The following NCBP1 variants were observed in gnomAD, a reference collection of about 807,000 sequenced individuals.
NCBP1 encodes nuclear cap-binding protein subunit 1.
A neutral mutation model predicts 111.7 loss-of-function variants in NCBP1; 16 were observed. The ratio of observed to expected loss-of-function variants is 0.14; its 90% CI spans 0.10 to 0.22. The LOEUF (loss-of-function observed/expected upper bound fraction) is 0.22. NCBP1 is among the 10% of genes least tolerant of loss of function. The pLI, the probability that NCBP1 is intolerant of heterozygous loss-of-function variation, is 1.00. For synonymous variants in NCBP1, 304 were observed against 314.3 expected (o/e 0.97, Z 0.35); for missense variants, 607 against 957.5 (o/e 0.63, Z 4.83).
chr9:97,645,857 TCTC>T (rs1441208421), intron 6 of NCBP1, 125 bp downstream of exon 6: 16 of 1,184,700 alleles, frequency 1.4e-5, no homozygotes, highest in Admixed American at 4.6e-5. Flanking sequence ...GTAATCCTGT[TCTC>T]CTGCTGTTTT....
rs558938098 is a variant in NCBP1, at chr9:97,666,607, A to T, written c.1902-156A>T. ...ATACTTGCACAATTTACAATAAAAGACCAATTTGTAAGTATTGCTGGAGAA... is the reference window on the plus strand; with the variant it reads ...ATACTTGCACAATTTACAATAAAAGTCCAATTTGTAAGTATTGCTGGAGAA... On this transcript the variant is annotated intron_variant, in intron 19 of 22. Coordinates refer to ENST00000375147, the MANE Select transcript of NCBP1 (RefSeq NM_002486.5). 3.3e-5 allele frequency among the ~76,000 whole-genome samples: 5 copies of T among 152,322 alleles called. No homozygotes were observed. The East Asian group carries it at 9.7e-4, about 29-fold the overall frequency.
chr9:97,665,600 CT>C (rs1296680955), intron 19 of NCBP1, among the ~76,000 whole-genome samples: 2 of 152,196 alleles, frequency 1.3e-5, no homozygotes, highest in Non-Finnish European at 2.9e-5. Context: ...GTGCTCTGCT[CT>C]TTTGTCCTGT....
Position 97,653,844 on chromosome 9 carries a change from A to G in NCBP1, c.1106A>G (p.Asp369Gly). ...CAACTTCCAGCACCCCCTCACATTG[A>G]TGTGATGTACACAACACTCCTCATT... ...LFQLPAPPHIDVMYTTLLIEL... is the reference protein window; with the variant it reads ...LFQLPAPPHIGVMYTTLLIEL... Residue 369 changes from aspartate to glycine, a missense_variant, in exon 11 of 23, where the codon GAT becomes GGT. Asp to Gly is a moderately conservative substitution (Grantham distance 94, BLOSUM62 -1). This residue lies in a region of NCBP1 where 33 missense variants were observed against 46.5 expected (regional missense o/e 0.71). Transcript: ENST00000375147. 1 of 1,614,080 alleles carries G rather than the reference A, an allele frequency of 6.2e-7. No homozygotes were observed. The highest frequency in any genetic ancestry group is 8.5e-7 in the Non-Finnish European group (1 of 1,179,996).
chr9:97,635,044 T>A (rs541067975), intron 1 of NCBP1, among the ~76,000 whole-genome samples: 3 of 152,324 alleles, frequency 2.0e-5, no homozygotes, highest in South Asian at 4.1e-4. Flanking sequence ...AAAAAACCCA[T>A]AACAGACATT....
chr9:97,654,276 C>T (rs185679260), intron 11 of NCBP1, among the ~76,000 whole-genome samples: 9 of 152,320 alleles, frequency 5.9e-5, no homozygotes. Flanking sequence ...AACCCTGCCA[C>T]TGCTTTATTA....
intron 1 of NCBP1, among the ~76,000 whole-genome samples, chr9:97,636,633 AATACATAT>A (rs1466026793): frequency 3.3e-5 from 3 of 90,404 alleles, no homozygotes; most frequent in Non-Finnish European, 4.3e-5. Flanking sequence ...TATGGAAAGT[AATACATAT>A]ATATATATAT....
intron 4 of NCBP1, 95 bp downstream of exon 4, chr9:97,643,455 C>A: frequency 1.6e-6 from 2 of 1,277,304 alleles, no homozygotes; most frequent in Non-Finnish European, 2.1e-6. Context: ...TCTCCTAAAA[C>A]ATTCTCATTC....
At chr9:97,670,907 TC>T (rs2131373444) in intron 22 of NCBP1, among the ~76,000 whole-genome samples, 178 bp from the exon 23 acceptor site, 1 of 152,286 alleles carries the variant, frequency 6.6e-6, no homozygotes, top group African/African-American at 2.4e-5. Context: ...TTTTTTCATT[TC>T]CCTTTTTATT....
At chr9:97,669,075 C>T in intron 21 of NCBP1, 101 bp downstream of exon 21, 1 of 1,307,472 alleles carries the variant, frequency 7.6e-7, no homozygotes. Flanking sequence ...AATACACATT[C>T]ATTTATAGAA....
intron 1 of NCBP1, among the ~76,000 whole-genome samples, chr9:97,638,099 G>A (rs1321225188): frequency 2.0e-5 from 3 of 152,090 alleles, no homozygotes; most frequent in Non-Finnish European, 2.9e-5. Flanking sequence ...AATTGTATTC[G>A]TATTGTTTTA....
At chr9:97,658,505 T>A (rs1827737103) in intron 14 of NCBP1, 135 bp from the exon 15 acceptor site, 1 of 674,376 alleles carries the variant, frequency 1.5e-6, no homozygotes, top group Non-Finnish European at 2.6e-6. Flanking sequence ...CTCAAAGGAT[T>A]TTTTTTTCCC....
At chr9:97,646,785 C>T (rs1360901072) in intron 6 of NCBP1, among the ~76,000 whole-genome samples, 7 of 140,650 alleles carry the variant, frequency 5.0e-5, no homozygotes, top group African/African-American at 1.9e-4. Context: ...TGCAGTGAGC[C>T]GACATGGTGC....
chr9:97,656,191 C>T (rs1827647752), intron 14 of NCBP1, 106 bp downstream of exon 14: 2 of 890,628 alleles, frequency 2.2e-6, no homozygotes, highest in African/African-American at 3.4e-5. Context: ...TCCACTTACT[C>T]ATCTTCCATC....
intron 1 of NCBP1, among the ~76,000 whole-genome samples, chr9:97,637,240 T>G (rs539794074): frequency 1.2e-3 from 178 of 152,322 alleles, no homozygotes; most frequent in Non-Finnish European, 1.8e-3. Flanking sequence ...TAGTAGTCCA[T>G]TTATAAACAA....
chr9:97,656,307 C>T (rs117208277), intron 14 of NCBP1, among the ~76,000 whole-genome samples: 2 of 152,344 alleles, frequency 1.3e-5, no homozygotes, highest in Non-Finnish European at 2.9e-5. Flanking sequence ...ACAGGCCGGG[C>T]GCAGTGGCTC....
intron 12 of NCBP1, 117 bp from the exon 13 acceptor site, chr9:97,655,585 G>C (rs1441510757): frequency 2.8e-6 from 2 of 710,736 alleles, no homozygotes; most frequent in Non-Finnish European, 4.6e-6. Flanking sequence ...AGGGGAATAT[G>C]CTTTTCATTA....
rs762318862 is a variant in NCBP1, at chr9:97,663,005, T to C, written c.1755T>C (p.His585=). The C allele has an allele frequency of 3.7e-6, 6 of 1,613,108 alleles. No homozygotes were observed. Among genetic ancestry groups the C allele is most frequent in the East Asian group, 2.2e-5 (1 of 44,778 alleles). The change falls in exon 18 of 23, where the codon CAT becomes CAC. Residue 585 remains histidine, a synonymous_variant. Transcript: ENST00000375147. Reference sequence around the variant, plus strand: ...CTGAAAGTGATGAAGGAAAGTTACATGTGCTAAGAGTTATGTTTGAGGTCT... The same window carrying C: ...CTGAAAGTGATGAAGGAAAGTTACACGTGCTAAGAGTTATGTTTGAGGTCT... The part of the protein sequence containing the change: ...TLAESDEGKL[H]VLRVMFEVWR...
At position 97,672,007 on chromosome 9, in the gene NCBP1, A is replaced by G. The variant is rs1262903517; in HGVS notation, c.*808A>G. ...GTCTTGTAGTGAGTTACAGAATACT[A>G]AAGTGGATGTAGAAGTGGTCAGATT... On this transcript the variant is annotated 3_prime_UTR_variant, in exon 23 of 23. Transcript: ENST00000375147. The G allele has an allele frequency of 3.3e-5, 5 of 152,194 alleles. No individual in the cohort carries two copies. Among genetic ancestry groups the G allele is most frequent in the African/African-American group, 4.8e-5 (2 of 41,446 alleles). The allele number at this position is 152,194 out of a possible 1,614,324, so 9.4% of individuals were successfully genotyped here.
intron 1 of NCBP1, chr9:97,634,534 C>T (rs1323054837): frequency 1.3e-5 from 2 of 152,214 alleles, no homozygotes; most frequent in African/African-American, 2.4e-5. Context: ...AGAAAACTAA[C>T]TTCAGGCCTC....
Sources: gnomAD v4.1 joint callset for allele counts (sites outside exome capture counted in the v4.1 genomes callset) on GRCh38, gnomAD v4.1.1 for gene constraint, gnomAD v4.1.1 regional missense constraint, MANE v1.5 for transcripts, NCBI Gene and HGNC (gene_info 2026-07-23, HGNC 2026-07-21) for gene names.